RYR3: variants seen among roughly 807,000 people sequenced by gnomAD.
RYR3 encodes the protein brain ryanodine receptor-calcium release channel.
A neutral mutation model predicts 584.3 loss-of-function variants in RYR3; 207 were observed. That is an observed-to-expected ratio of 0.35 (90% confidence interval 0.32 to 0.40). The LOEUF is 0.40. RYR3 is among the 10% of genes least tolerant of loss of function. RYR3 has a pLI of 1.00. For missense variants in RYR3, 5,616 were observed against 6,089.2 expected, an observed-to-expected ratio of 0.92 and a Z score of 2.59; for synonymous variants, 2,416 against 2,248.5, an observed-to-expected ratio of 1.07 and a Z score of -2.11.
chr15:33,726,226 TCTC>T (rs1166797681), intron 45 of RYR3, among the ~76,000 whole-genome samples, 157 bp from the exon 46 acceptor site: 1 of 152,062 alleles, frequency 6.6e-6, no homozygotes, highest in Non-Finnish European at 1.5e-5. Flanking sequence ...AAGATGCCAC[TCTC>T]CTCTTTCCCT....
intron 67 of RYR3, among the ~76,000 whole-genome samples, chr15:33,795,389 T>C (rs1418725521): frequency 1.3e-5 from 1 of 74,940 alleles, no homozygotes; most frequent in Middle Eastern, 5.8e-3. Context: ...TCTTTTTTTT[T>C]TTTTTTTTTT....
intron 1 of RYR3, among the ~76,000 whole-genome samples, chr15:33,401,874 G>A (rs2042697252): frequency 6.6e-6 from 1 of 152,104 alleles, no homozygotes; most frequent in Non-Finnish European, 1.5e-5. Flanking sequence ...ATCTCTGGGT[G>A]GGGGCAATGA....
intron 2 of RYR3, among the ~76,000 whole-genome samples, chr15:33,480,526 T>C (rs1019640341): frequency 6.6e-6 from 1 of 152,170 alleles, no homozygotes; most frequent in African/African-American, 2.4e-5. Context: ...ACTAATTGAA[T>C]TTTTGAAAGC....
intron 12 of RYR3, among the ~76,000 whole-genome samples, chr15:33,569,626 G>C (rs889239488): frequency 1.3e-4 from 20 of 152,006 alleles, no homozygotes; most frequent in African/African-American, 4.8e-4. Flanking sequence ...ACCATGTTTT[G>C]TTTATTCAAT....
intron 45 of RYR3, among the ~76,000 whole-genome samples, chr15:33,725,966 T>TCCCCCCCCCCCC (rs10645234): frequency 1.3e-4 from 2 of 15,742 alleles, no homozygotes; most frequent in African/African-American, 3.5e-4. Flanking sequence ...CAAGACTCCA[T>TCCCCCCCCCCCC]CCCCCCCCCC....
At chr15:33,816,076 G>A (rs544424656) in intron 74 of RYR3, 6 of 392,950 alleles carry the variant, frequency 1.5e-5, no homozygotes, top group South Asian at 1.4e-4. Context: ...AGATGGCAAG[G>A]GCTGTGTCCT....
chr15:33,670,190 A>C (rs976261491), intron 37 of RYR3, among the ~76,000 whole-genome samples: 1 of 152,070 alleles, frequency 6.6e-6, no homozygotes, highest in Non-Finnish European at 1.5e-5. Context: ...TTCAAAACAC[A>C]TGTTTTAGGA....
chr15:33,377,703 G>T (rs11633387), intron 1 of RYR3, among the ~76,000 whole-genome samples: 8,601 of 152,308 alleles, frequency 0.056, 329 homozygotes, highest in Non-Finnish European at 0.088. Flanking sequence ...TGATATCTCA[G>T]ATTCCTCACC....
At chr15:33,710,561 G>A (rs2067035791) in intron 43 of RYR3, among the ~76,000 whole-genome samples, 1 of 152,040 alleles carries the variant, frequency 6.6e-6, no homozygotes, top group Non-Finnish European at 1.5e-5. Context: ...ACCCCAGGAG[G>A]GACTCTGCAT....
intron 2 of RYR3, among the ~76,000 whole-genome samples, chr15:33,499,266 CCT>C (rs1481359279): frequency 6.6e-6 from 1 of 151,064 alleles, no homozygotes; most frequent in African/African-American, 2.4e-5. Context: ...CATTTCCCTC[CCT>C]GTCTTCCATC....
At chr15:33,728,496 C>T (rs141885135) in intron 46 of RYR3, among the ~76,000 whole-genome samples, 45 of 152,320 alleles carry the variant, frequency 3.0e-4, no homozygotes, top group Non-Finnish European at 4.9e-4. Flanking sequence ...CTGCCTTCAG[C>T]GCAGCACTGT....
intron 3 of RYR3, among the ~76,000 whole-genome samples, chr15:33,513,886 A>G (rs2140897619): frequency 6.6e-6 from 1 of 152,288 alleles, no homozygotes; most frequent in South Asian, 2.1e-4. Flanking sequence ...GGAAAATGGG[A>G]AAAACTGTTT....
chr15:33,505,749 T>C (rs1252763905), intron 3 of RYR3, among the ~76,000 whole-genome samples: 8 of 152,102 alleles, frequency 5.3e-5, no homozygotes, highest in Non-Finnish European at 1.2e-4. Flanking sequence ...ACCTTGGCCT[T>C]CCAAAGTGCT....
chr15:33,472,227 C>T (rs1235865118), intron 1 of RYR3, among the ~76,000 whole-genome samples: 1 of 152,222 alleles, frequency 6.6e-6, no homozygotes. Flanking sequence ...CCTGCAGCCC[C>T]TCACCTATCT....
At chr15:33,398,784 C>T (rs899161741) in intron 1 of RYR3, among the ~76,000 whole-genome samples, 19 of 152,068 alleles carry the variant, frequency 1.2e-4, no homozygotes, top group African/African-American at 3.9e-4. Context: ...AGTGCAGAGC[C>T]GAGCTGCGTT....
At position 33,487,053 on chromosome 15, in the gene RYR3, C is replaced by T. The variant is rs528760057; in HGVS notation, c.171+13515C>T. Among the ~76,000 whole-genome samples the T allele has an allele frequency of 1.1e-3, 174 of 152,072 alleles. 2 individuals are homozygous for T. The highest frequency in any genetic ancestry group is 4.0e-3 in the African/African-American group (164 of 41,458). On this transcript the variant is annotated intron_variant, in intron 2 of 103. Coordinates refer to ENST00000634891, the MANE Select transcript of RYR3 (RefSeq NM_001036.6). ...TACCTACTAAAAATACAAAAATTAGCCAGGTGTGGTGGTGGGCATCTATAG... is the reference window on the plus strand; with the variant it reads ...TACCTACTAAAAATACAAAAATTAGTCAGGTGTGGTGGTGGGCATCTATAG...
At chr15:33,653,929 T>C (rs2062658106) in intron 32 of RYR3, among the ~76,000 whole-genome samples, 1 of 152,190 alleles carries the variant, frequency 6.6e-6, no homozygotes, top group Admixed American at 6.5e-5. Flanking sequence ...GAAAGAAACC[T>C]ATGTAACCAA....
At chr15:33,509,207 A>C (rs2142852165) in intron 3 of RYR3, among the ~76,000 whole-genome samples, 1 of 152,336 alleles carries the variant, frequency 6.6e-6, no homozygotes, top group African/African-American at 2.4e-5. Context: ...GATGAAGGGA[A>C]TTATTAGAAG....
chr15:33,581,301 T>C (rs1227715846), intron 13 of RYR3, among the ~76,000 whole-genome samples: 3 of 152,080 alleles, frequency 2.0e-5, no homozygotes, highest in Non-Finnish European at 1.5e-5. Flanking sequence ...ACTCTCCAAA[T>C]GGATGCTATT....
Sources: gnomAD v4.1 joint callset for allele counts (sites outside exome capture counted in the v4.1 genomes callset) on GRCh38, gnomAD v4.1.1 for gene constraint, MANE v1.5 for transcripts, NCBI Gene and HGNC (gene_info 2026-07-23, HGNC 2026-07-21) for gene names.